ROBO2: variants seen among roughly 807,000 people sequenced by gnomAD.
ROBO2 encodes roundabout guidance receptor 2.
Under a neutral mutation model 160.8 loss-of-function variants are expected in ROBO2, and 53 were observed. The observed-to-expected ratio is 0.33, with a 90% CI of 0.26 to 0.41. ROBO2 has a LOEUF of 0.41. Ranked by LOEUF, ROBO2 falls within the 10% of genes least tolerant of loss-of-function variation. The pLI is 1.00. For synonymous variants in ROBO2, 664 were observed against 611.7 expected, an observed-to-expected ratio of 1.09 and a Z score of -1.26; for missense variants, 1,577 against 1,722.4, an observed-to-expected ratio of 0.92 and a Z score of 1.49.
chr3:76,070,833 G>A (rs79991616), intron 2 of ROBO2, among the ~76,000 whole-genome samples: 4,033 of 152,136 alleles, frequency 0.027, 143 homozygotes, highest in African/African-American at 0.08. Flanking sequence ...AAGAACCTAC[G>A]GAATATCAGG....
intron 4 of ROBO2, among the ~76,000 whole-genome samples, chr3:77,484,551 CTCA>C (rs1357243768): frequency 6.9e-6 from 1 of 144,060 alleles, no homozygotes; most frequent in African/African-American, 2.9e-5. Context: ...ACATATATTT[CTCA>C]TCATTTTACG....
intron 5 of ROBO2, among the ~76,000 whole-genome samples, chr3:77,520,152 A>G (rs569431560): frequency 7.3e-4 from 110 of 151,468 alleles, no homozygotes; most frequent in Non-Finnish European, 1.4e-3. Context: ...GTCATATGCT[A>G]TAACTAAATA....
chr3:77,338,979 G>T lies in ROBO2; in HGVS notation c.389-138435G>T, dbSNP rs146386352. On this transcript the variant is annotated intron_variant, in intron 2 of 25. Coordinates refer to ENST00000461745, the Ensembl canonical transcript of ROBO2. ...TGAGTCCCTGATGACATCTCAAAATGGTTGTTTAATTTTCCATATTAGAGG... is the reference window on the plus strand; with the variant it reads ...TGAGTCCCTGATGACATCTCAAAATTGTTGTTTAATTTTCCATATTAGAGG... 2.1e-3 allele frequency among the ~76,000 whole-genome samples: 327 copies of T among 152,122 alleles called. 12 individuals carry two copies. In the East Asian group the frequency reaches 0.055, roughly 26 times the overall value.
At chr3:76,298,926 C>G (rs1044874347) in intron 2 of ROBO2, among the ~76,000 whole-genome samples, 1 of 152,230 alleles carries the variant, frequency 6.6e-6, no homozygotes, top group Admixed American at 6.5e-5. Context: ...GACCATGCCT[C>G]TGCCAGGGGC....
At chr3:76,387,436 TTTA>T (rs1386056662) in intron 2 of ROBO2, among the ~76,000 whole-genome samples, 1 of 151,598 alleles carries the variant, frequency 6.6e-6, no homozygotes, top group African/African-American at 2.4e-5. Flanking sequence ...GAAACTAGTA[TTTA>T]TTTTTTATTT....
At chr3:77,325,398 C>T (rs929644804) in intron 2 of ROBO2, among the ~76,000 whole-genome samples, 11 of 152,270 alleles carry the variant, frequency 7.2e-5, no homozygotes, top group East Asian at 1.9e-4. Context: ...CCAGAGCAGA[C>T]GCAACTGGGG....
intron 19 of ROBO2, among the ~76,000 whole-genome samples, chr3:77,601,602 ATAGT>A (rs1251465735): frequency 6.6e-6 from 1 of 152,176 alleles, no homozygotes; most frequent in Non-Finnish European, 1.5e-5. Context: ...TGCTTTTTCT[ATAGT>A]TAAATTCTGC....
intron 2 of ROBO2, among the ~76,000 whole-genome samples, chr3:76,081,976 C>G (rs746820080): frequency 1.3e-5 from 2 of 152,016 alleles, no homozygotes; most frequent in African/African-American, 4.8e-5. Context: ...TAGAATCAAG[C>G]CACAGATTTT....
chr3:76,741,927 C>A (rs555260133), intron 2 of ROBO2, among the ~76,000 whole-genome samples: 13 of 151,894 alleles, frequency 8.6e-5, no homozygotes, highest in Admixed American at 5.9e-4. Context: ...TATAATGAGG[C>A]CTTTATAAGA....
At chr3:76,400,253 C>G (rs1436740026) in intron 2 of ROBO2, among the ~76,000 whole-genome samples, 3 of 151,550 alleles carry the variant, frequency 2.0e-5, no homozygotes, top group Admixed American at 6.6e-5. Context: ...AGAAATCAGA[C>G]TAAGCCTCAA....
chr3:76,552,642 A>C (rs1391621769), intron 2 of ROBO2, among the ~76,000 whole-genome samples: 1 of 152,220 alleles, frequency 6.6e-6, no homozygotes, highest in African/African-American at 2.4e-5. Context: ...TGAACAAACA[A>C]TTATAGTGTA....
chr3:77,324,536 T>C (rs1413251373), intron 2 of ROBO2, among the ~76,000 whole-genome samples: 1 of 152,038 alleles, frequency 6.6e-6, no homozygotes, highest in Non-Finnish European at 1.5e-5. Flanking sequence ...TCCCAGCACT[T>C]TGGGAGGCCG....
At chr3:76,860,722 T>C (rs1417621770) in intron 2 of ROBO2, among the ~76,000 whole-genome samples, 1 of 152,132 alleles carries the variant, frequency 6.6e-6, no homozygotes, top group Non-Finnish European at 1.5e-5. Flanking sequence ...TACTGACCTC[T>C]TTACTATATA....
At chr3:77,547,665 A>G (rs763562961) in intron 7 of ROBO2, among the ~76,000 whole-genome samples, 224 of 152,172 alleles carry the variant, frequency 1.5e-3, no homozygotes, top group Non-Finnish European at 2.2e-3. Flanking sequence ...GGATGGACAA[A>G]TGGCCTTTTA....
At chr3:77,048,876 G>C (rs1269098903) in intron 1 of ROBO2, among the ~76,000 whole-genome samples, 5 of 152,150 alleles carry the variant, frequency 3.3e-5, no homozygotes, top group Admixed American at 2.6e-4. Context: ...TTCCCTAGTG[G>C]ATTGTTAATT....
intron 2 of ROBO2, among the ~76,000 whole-genome samples, chr3:76,340,486 T>C (rs1228965781): frequency 1.3e-5 from 2 of 152,192 alleles, no homozygotes; most frequent in Non-Finnish European, 2.9e-5. Context: ...ATATAAGTAA[T>C]GTGAAGTCTA....
intron 2 of ROBO2, among the ~76,000 whole-genome samples, chr3:76,911,939 A>C (rs1363350740): frequency 1.3e-5 from 2 of 152,160 alleles, no homozygotes; most frequent in Non-Finnish European, 2.9e-5. Flanking sequence ...ACTGCACTCC[A>C]GAAGGGCAAC....
chr3:76,872,714 T>G (rs997907021), intron 2 of ROBO2, among the ~76,000 whole-genome samples: 1 of 151,952 alleles, frequency 6.6e-6, no homozygotes, highest in African/African-American at 2.4e-5. Flanking sequence ...ATGAAGTGCA[T>G]TTTTGACATG....
chr3:75,937,204 CT>C (rs1282431821), intron 1 of ROBO2, among the ~76,000 whole-genome samples: 1 of 151,960 alleles, frequency 6.6e-6, no homozygotes, highest in African/African-American at 2.4e-5. Context: ...ATTGGGAGTA[CT>C]TTTTAACATT....
Sources: allele counts gnomAD v4.1 joint callset (sites outside exome capture counted in the v4.1 genomes callset), GRCh38; gene constraint gnomAD v4.1.1; transcripts MANE v1.5; gene names NCBI Gene and HGNC (gene_info 2026-07-23, HGNC 2026-07-21).